UNC13C: variants seen among roughly 807,000 people sequenced by gnomAD.
UNC13C encodes the protein protein unc-13 homolog C.
UNC13C carries 174 observed loss-of-function variants against 245.4 expected under a neutral mutation model. The ratio of observed to expected loss-of-function variants is 0.71; its 90% CI spans 0.63 to 0.80. The LOEUF (loss-of-function observed/expected upper bound fraction) is 0.80, where lower values mean the gene tolerates loss of function less well. Ranked by LOEUF, UNC13C falls within the 30% of genes least tolerant of loss-of-function variation. UNC13C has a pLI of 0.00. For missense variants in UNC13C, 2,829 were observed against 2,602.9 expected, an observed-to-expected ratio of 1.09 and a Z score of -1.89; for synonymous variants, 992 against 895.1, an observed-to-expected ratio of 1.11 and a Z score of -1.93.
chr15:53,900,615 C>T, the UNC13C span, among the ~76,000 whole-genome samples: 40 of 152,242 alleles, frequency 2.6e-4, no homozygotes, highest in African/African-American at 9.6e-4. Context: ...GTAGGATGTT[C>T]AGGGGATATT....
At chr15:54,479,572 G>T (rs1016173625) in intron 19 of UNC13C, among the ~76,000 whole-genome samples, 4 of 151,694 alleles carry the variant, frequency 2.6e-5, no homozygotes, top group African/African-American at 9.7e-5. Flanking sequence ...TGCATTCCAG[G>T]TTATCATTGT....
chr15:54,186,845 G>GTA (rs1555428684), intron 4 of UNC13C, among the ~76,000 whole-genome samples: 2 of 113,384 alleles, frequency 1.8e-5, no homozygotes, highest in Admixed American at 7.9e-5. Flanking sequence ...TAATATATAT[G>GTA]TATATATATA....
chr15:54,117,560 T>G (rs2030348089), intron 2 of UNC13C, among the ~76,000 whole-genome samples: 1 of 148,218 alleles, frequency 6.7e-6, no homozygotes. Flanking sequence ...TCTCTCTCTC[T>G]CTCTCTCATT....
At position 54,512,859 on chromosome 15, in the gene UNC13C, C is replaced by A. The variant is rs139390158; in HGVS notation, c.5457+1029C>A. Among the ~76,000 whole-genome samples the A allele has an allele frequency of 3.6e-3, 542 of 152,148 alleles. 2 individuals are homozygous for A. Among genetic ancestry groups the A allele is most frequent in the African/African-American group, 0.012 (505 of 41,518 alleles). ...TTCCCATGTGATTTTGCTTTTAACCCCAAGGAGATGTTTTTACACTTCTCC... is the reference window on the plus strand; with the variant it reads ...TTCCCATGTGATTTTGCTTTTAACCACAAGGAGATGTTTTTACACTTCTCC... On this transcript the variant is annotated intron_variant, in intron 24 of 32. Transcript: ENST00000260323.
the UNC13C span, among the ~76,000 whole-genome samples, chr15:53,967,067 T>C: frequency 1.3e-5 from 2 of 152,140 alleles, no homozygotes; most frequent in South Asian, 4.1e-4. Flanking sequence ...CCCTCACCTC[T>C]AGTTTTTCCA....
the UNC13C span, among the ~76,000 whole-genome samples, chr15:53,869,543 A>C: frequency 1.3e-5 from 2 of 152,164 alleles, no homozygotes; most frequent in Non-Finnish European, 2.9e-5. Flanking sequence ...ATAATATTTA[A>C]TTATTAATTA....
At chr15:54,089,359 A>T (rs867361519) in intron 2 of UNC13C, among the ~76,000 whole-genome samples, 1 of 152,290 alleles carries the variant, frequency 6.6e-6, no homozygotes, top group Middle Eastern at 3.4e-3. Context: ...AATGAGGAGG[A>T]CTTGGGAGAC....
intron 2 of UNC13C, among the ~76,000 whole-genome samples, chr15:54,110,773 C>T (rs987436862): frequency 6.6e-6 from 1 of 152,058 alleles, no homozygotes; most frequent in African/African-American, 2.4e-5. Context: ...CTAGTGACTT[C>T]CTTGAACAGA....
chr15:54,632,250 G>C (rs1037632968), downstream of UNC13C: 1 of 152,130 alleles, frequency 6.6e-6, no homozygotes, highest in Non-Finnish European at 1.5e-5. Flanking sequence ...GATATGAAAT[G>C]TGCAACTATT....
chr15:54,318,881 A>G (rs770190232), intron 13 of UNC13C, among the ~76,000 whole-genome samples: 18 of 151,952 alleles, frequency 1.2e-4, no homozygotes, highest in Non-Finnish European at 2.2e-4. Flanking sequence ...CATCCTGTGA[A>G]TGCCTTAAGT....
At chr15:54,315,370 T>C (rs757828240) in intron 13 of UNC13C, among the ~76,000 whole-genome samples, 13 of 151,816 alleles carry the variant, frequency 8.6e-5, no homozygotes, top group Middle Eastern at 3.4e-3. Context: ...TTCTGTCCTA[T>C]TTTATAAGAC....
At chr15:54,217,913 A>T (rs2035091341) in intron 4 of UNC13C, among the ~76,000 whole-genome samples, 1 of 151,958 alleles carries the variant, frequency 6.6e-6, no homozygotes. Flanking sequence ...TCTAAATTTT[A>T]AAACAGAACC....
chr15:54,545,121 C>G (rs1410478491), intron 26 of UNC13C, among the ~76,000 whole-genome samples: 1 of 152,122 alleles, frequency 6.6e-6, no homozygotes. Flanking sequence ...TGGAACAGAA[C>G]AGTGGACTCA....
chr15:54,575,210 A>C (rs62023993), intron 30 of UNC13C, among the ~76,000 whole-genome samples: 7,795 of 152,072 alleles, frequency 0.051, 343 homozygotes, highest in Admixed American at 0.13. Context: ...TAATTTTTGT[A>C]ATTTTAGTAG....
At chr15:53,934,545 G>C in the UNC13C span, among the ~76,000 whole-genome samples, 2 of 152,178 alleles carry the variant, frequency 1.3e-5, no homozygotes, top group African/African-American at 4.8e-5. Flanking sequence ...CAATTAAAGA[G>C]AGTCAGCTAT....
chr15:54,500,214 T>C (rs1440719480), intron 21 of UNC13C, 39 bp downstream of exon 21: 2 of 1,427,270 alleles, frequency 1.4e-6, no homozygotes, highest in Non-Finnish European at 9.8e-7. Context: ...ATTGCCATGA[T>C]TCAGTCACAT....
chr15:53,934,572 T>C, the UNC13C span, among the ~76,000 whole-genome samples: 1 of 152,192 alleles, frequency 6.6e-6, no homozygotes. Context: ...ACAACTGTAA[T>C]ATGTTTGTAA....
intron 2 of UNC13C, among the ~76,000 whole-genome samples, chr15:54,072,165 G>A (rs1898360320): frequency 6.6e-6 from 1 of 152,144 alleles, no homozygotes; most frequent in Non-Finnish European, 1.5e-5. Context: ...GGCTGACCTA[G>A]AATTAATGTG....
At chr15:53,903,143 T>C in the UNC13C span, among the ~76,000 whole-genome samples, 1 of 152,330 alleles carries the variant, frequency 6.6e-6, no homozygotes, top group South Asian at 2.1e-4. Flanking sequence ...AAAATTCAAA[T>C]ACATTATGGT....
Sources: allele counts gnomAD v4.1 joint callset (sites outside exome capture counted in the v4.1 genomes callset), GRCh38; gene constraint gnomAD v4.1.1; transcripts MANE v1.5; gene names NCBI Gene and HGNC (gene_info 2026-07-23, HGNC 2026-07-21).